Variants in DNAH10 observed in about 807,000 individuals in gnomAD.
The protein encoded by DNAH10 is dynein axonemal heavy chain 10.
A neutral mutation model predicts 506.6 loss-of-function variants in DNAH10; 348 were observed. The ratio of observed to expected loss-of-function variants is 0.69; its 90% CI spans 0.63 to 0.75. The LOEUF (loss-of-function observed/expected upper bound fraction) is 0.75, where lower values mean the gene tolerates loss of function less well. DNAH10 is among the 30% of genes least tolerant of loss of function. DNAH10 has a pLI of 0.00. For synonymous variants in DNAH10, 2,059 were observed against 2,198.6 expected (o/e 0.94, Z 1.78); for missense variants, 5,179 against 5,787.1 (o/e 0.89, Z 3.41).
chr12:123,903,371 C>T lies in DNAH10; in HGVS notation c.9815+258C>T, dbSNP rs1953619847. Among the ~76,000 whole-genome samples the T allele has an allele frequency of 6.6e-6, 1 of 152,158 alleles. No individual in the cohort carries two copies. Among genetic ancestry groups the T allele is most frequent in the Non-Finnish European group, 1.5e-5 (1 of 68,036 alleles). On this transcript the variant is annotated intron_variant, in intron 57 of 78. Coordinates refer to ENST00000673944, the MANE Select transcript of DNAH10 (RefSeq NM_001372106.1). The surrounding 1 kb of genome is among the most constrained non-coding windows in gnomAD (Gnocchi z 4.6). ...AGGGCCTGCTGACCTTGAACCCAGGCCAAGGGAAGGATGGAGTGGGGTAAA... is the reference window on the plus strand; with the variant it reads ...AGGGCCTGCTGACCTTGAACCCAGGTCAAGGGAAGGATGGAGTGGGGTAAA...
chr12:123,864,154 T>TTC (rs1325069193), intron 39 of DNAH10, among the ~76,000 whole-genome samples: 1 of 149,188 alleles, frequency 6.7e-6, no homozygotes, highest in Non-Finnish European at 1.5e-5. Flanking sequence ...TTTTTTTTTT[T>TTC]TTTTTTTTTG....
At chr12:123,896,719 GAAA>G (rs60387471) in intron 54 of DNAH10, among the ~76,000 whole-genome samples, 2 of 92,062 alleles carry the variant, frequency 2.2e-5, no homozygotes. Flanking sequence ...CCTGTCTCAA[GAAA>G]AAAAAAAAAA....
rs757692223 is a variant in DNAH10 at position 123,916,970 on chromosome 12, A to G, written c.11002+234A>G. Among the ~76,000 whole-genome samples, 6 of 152,190 alleles carry G rather than the reference A, an allele frequency of 3.9e-5. No homozygotes were observed. Among genetic ancestry groups the G allele is most frequent in the African/African-American group, 7.2e-5 (3 of 41,450 alleles). On this transcript the variant is annotated intron_variant, in intron 63 of 78. Transcript: ENST00000673944. The surrounding 1 kb of genome is among the most constrained non-coding windows in gnomAD (Gnocchi z 4.6). ...GGGCCGTGGGCTTATGTGTTCACAC[A>G]TGGGGTGGGATGGGACCTCTGACTG...
intron 10 of DNAH10, 118 bp downstream of exon 10, chr12:123,788,120 C>A: frequency 8.4e-7 from 1 of 1,186,424 alleles, no homozygotes; most frequent in Non-Finnish European, 1.2e-6. Context: ...CAGGGAGAAG[C>A]CCTTCAAAGA....
rs1335199730 is a variant in DNAH10 at position 123,860,428 on chromosome 12, A to T, written c.6750-584A>T. Among the ~76,000 whole-genome samples, 4 of 152,352 alleles carry T rather than the reference A, an allele frequency of 2.6e-5. No individual in the cohort carries two copies. In the East Asian group the frequency reaches 7.7e-4, roughly 29 times the overall value. ...GCATGTGTAATATAGCATGTACATTATGATTTACTGATTCGTTGGTTGTGA... is the reference window on the plus strand; with the variant it reads ...GCATGTGTAATATAGCATGTACATTTTGATTTACTGATTCGTTGGTTGTGA... On this transcript the variant is annotated intron_variant, in intron 38 of 78. Transcript: ENST00000673944.
intron 72 of DNAH10, chr12:123,930,163 C>T (rs192555789): frequency 7.8e-6 from 4 of 514,938 alleles, no homozygotes; most frequent in African/African-American, 3.9e-5. Flanking sequence ...CACAGGAGCT[C>T]CCAACACTTC....
chr12:123,900,492 C>A (rs1329869219), intron 56 of DNAH10, among the ~76,000 whole-genome samples: 2 of 152,190 alleles, frequency 1.3e-5, no homozygotes, highest in Non-Finnish European at 2.9e-5. Flanking sequence ...GTACTGAGGA[C>A]CGCCTATTTG....
At chr12:123,821,471 C>T (rs964106295) in intron 24 of DNAH10, among the ~76,000 whole-genome samples, 1 of 152,098 alleles carries the variant, frequency 6.6e-6, no homozygotes, top group Non-Finnish European at 1.5e-5. Flanking sequence ...GTTGGGACTA[C>T]AGAGGTGCAC....
chr12:123,771,740 C>T (rs1412709682), intron 3 of DNAH10, 42 bp downstream of exon 3: 1 of 1,465,362 alleles, frequency 6.8e-7, no homozygotes, highest in Middle Eastern at 1.7e-4. Context: ...GTAATGGGGA[C>T]CCTTGATGCC....
chr12:123,816,642 A>G (rs181656021), intron 21 of DNAH10, among the ~76,000 whole-genome samples: 114 of 152,342 alleles, frequency 7.5e-4, no homozygotes, highest in African/African-American at 2.7e-3. Context: ...GAGCCATTTC[A>G]GCAAATGGTC....
At chr12:123,859,396 C>T (rs1951529073) in intron 38 of DNAH10, 128 bp downstream of exon 38, 2 of 686,088 alleles carry the variant, frequency 2.9e-6, no homozygotes, top group South Asian at 5.1e-5. Context: ...ATACACACCC[C>T]TTTCGACTCA....
chr12:123,769,283 C>T (rs565926678), intron 2 of DNAH10, among the ~76,000 whole-genome samples: 2 of 151,896 alleles, frequency 1.3e-5, no homozygotes, highest in African/African-American at 4.8e-5. Flanking sequence ...GTAGCTGGGA[C>T]TGCAGGCACA....
chr12:123,832,446 T>G (rs1294463051), intron 26 of DNAH10, among the ~76,000 whole-genome samples: 1 of 151,978 alleles, frequency 6.6e-6, no homozygotes, highest in Non-Finnish European at 1.5e-5. Flanking sequence ...ATACCAAAGA[T>G]ACGCATAATA....
At position 123,830,267 on chromosome 12, in the gene DNAH10, G is replaced by A. The variant is rs544435104; in HGVS notation, c.4392-279G>A. Among the ~76,000 whole-genome samples, 10 of 152,300 alleles carry A rather than the reference G, an allele frequency of 6.6e-5. No individual in the cohort carries two copies. The East Asian group carries it at 1.4e-3, about 21-fold the overall frequency. On this transcript the variant is annotated intron_variant, in intron 25 of 78. Coordinates refer to ENST00000673944, the MANE Select transcript of DNAH10 (RefSeq NM_001372106.1). ...TGGTTGAGAGACTATGACAGAAGCCGTTCCCAATAATTAAAAGTTGTGTAT... is the reference window on the plus strand; with the variant it reads ...TGGTTGAGAGACTATGACAGAAGCCATTCCCAATAATTAAAAGTTGTGTAT...
chr12:123,778,411 A>G (rs1384249777), intron 5 of DNAH10, among the ~76,000 whole-genome samples: 1 of 152,114 alleles, frequency 6.6e-6, no homozygotes, highest in Non-Finnish European at 1.5e-5. Flanking sequence ...ATATTCAAAT[A>G]CAGCCAGGCG....
Position 123,909,366 on chromosome 12 carries a change from C to T in DNAH10, c.9921C>T (p.Ser3307=), listed in dbSNP as rs992232969. 1.7e-5 allele frequency: 27 copies of T among 1,611,772 alleles called. No homozygotes were observed. The highest frequency in any genetic ancestry group is 2.7e-5 in the African/African-American group (2 of 74,882). ...GGAAAACAGCCAAGGGCGTGATGTC[C>T]GACCCGAATTTCCTGCGGTCTCTGA... is the stretch of plus-strand genomic sequence containing the variant. ...LNWKTAKGVM[S]DPNFLRSLME... Residue 3307 remains serine (S), a synonymous_variant, in exon 58 of 79, where the codon TCC becomes TCT. Coordinates refer to ENST00000673944, the MANE Select transcript of DNAH10 (RefSeq NM_001372106.1). This position sits in a 1 kb window ranked among gnomAD's most constrained non-coding sequence, Gnocchi z 5.4.
intron 11 of DNAH10, among the ~76,000 whole-genome samples, chr12:123,793,341 C>CT (rs899753911): frequency 0.015 from 2,106 of 140,408 alleles, 49 homozygotes; most frequent in African/African-American, 0.048. Context: ...TAGTTACTGT[C>CT]TTTTTTTTTT....
At chr12:123,898,578 G>A (rs1313574641) in intron 55 of DNAH10, 75 bp from the exon 56 acceptor site, 8 of 1,419,702 alleles carry the variant, frequency 5.6e-6, no homozygotes, top group South Asian at 4.6e-5. Context: ...ATAAGCTGAA[G>A]TTAGGCAAAT....
At chr12:123,886,579 CTGTG>C (rs201571414) in intron 51 of DNAH10, among the ~76,000 whole-genome samples, 2,208 of 152,018 alleles carry the variant, frequency 0.015, 30 homozygotes, top group Non-Finnish European at 0.022. Context: ...GTGGGAATGA[CTGTG>C]TGAGTGTGAC....
Sources: gnomAD v4.1 joint callset for allele counts (sites outside exome capture counted in the v4.1 genomes callset) on GRCh38, gnomAD v4.1.1 for gene constraint, Gnocchi (gnomAD v3.1) non-coding constraint, MANE v1.5 for transcripts, NCBI Gene and HGNC (gene_info 2026-07-23, HGNC 2026-07-21) for gene names.